PDLIM5: variants seen among roughly 807,000 people sequenced by gnomAD.
The protein encoded by PDLIM5 is PDZ and LIM domain protein 5.
In PDLIM5, 34 loss-of-function variants were observed where a neutral mutation model predicts 64.2. That is an observed-to-expected ratio of 0.53 (90% CI 0.40 to 0.71). The LOEUF (loss-of-function observed/expected upper bound fraction) is 0.71. Ranked by LOEUF, PDLIM5 falls within the 30% of genes least tolerant of loss-of-function variation. PDLIM5 has a pLI of 0.00. For missense variants in PDLIM5, 683 were observed against 733.6 expected (o/e 0.93, Z 0.80); for synonymous variants, 253 against 269.1 (o/e 0.94, Z 0.59).
At chr4:94,608,273 A>G (rs1024680929) in intron 7 of PDLIM5, 77 of 806,862 alleles carry the variant, frequency 9.5e-5, no homozygotes, top group Non-Finnish European at 9.4e-5. Context: ...ATTGTTGATT[A>G]CAGAACGGAC....
chr4:94,512,395 A>G (rs892479590), intron 2 of PDLIM5, among the ~76,000 whole-genome samples: 5 of 152,160 alleles, frequency 3.3e-5, no homozygotes, highest in African/African-American at 1.2e-4. Flanking sequence ...TCCCACCAAC[A>G]GTGTACAAGG....
chr4:94,513,624 A>G (rs1312522261), intron 2 of PDLIM5, among the ~76,000 whole-genome samples: 3 of 152,130 alleles, frequency 2.0e-5, no homozygotes, highest in Admixed American at 6.5e-5. Context: ...GCGTGTGTGT[A>G]TTCTTCAGGT....
chr4:94,606,261 G>A (rs1578459114), intron 7 of PDLIM5, among the ~76,000 whole-genome samples: 1 of 152,086 alleles, frequency 6.6e-6, no homozygotes, highest in African/African-American at 2.4e-5. Flanking sequence ...AACAAATAAC[G>A]ACACAAATTG....
At chr4:94,557,011 G>A (rs954329118) in intron 3 of PDLIM5, among the ~76,000 whole-genome samples, 1 of 151,998 alleles carries the variant, frequency 6.6e-6, no homozygotes, top group Non-Finnish European at 1.5e-5. Flanking sequence ...ATTGCCTAGG[G>A]TTTCTTCTAG....
chr4:94,508,833 G>T (rs1477611019), intron 2 of PDLIM5, among the ~76,000 whole-genome samples: 2 of 152,056 alleles, frequency 1.3e-5, no homozygotes, highest in Non-Finnish European at 2.9e-5. Flanking sequence ...ATGACTTTTG[G>T]CAGCCTTGCT....
At chr4:94,534,523 C>G (rs374787738) in intron 3 of PDLIM5, among the ~76,000 whole-genome samples, 2 of 151,962 alleles carry the variant, frequency 1.3e-5, no homozygotes. Context: ...TTATTGAGAT[C>G]GGGAGAGATA....
At chr4:94,497,679 G>A (rs953863675) in intron 2 of PDLIM5, among the ~76,000 whole-genome samples, 5 of 152,186 alleles carry the variant, frequency 3.3e-5, no homozygotes, top group Non-Finnish European at 7.4e-5. Context: ...AAAAGATTAT[G>A]TAGACAGAAT....
At chr4:94,456,897 C>T (rs1723420978) in intron 2 of PDLIM5, 1 of 1,067,522 alleles carries the variant, frequency 9.4e-7, no homozygotes, top group Non-Finnish European at 1.1e-6. Flanking sequence ...ATATTATTCC[C>T]ATTGTATATA....
In PDLIM5 at chr4:94,573,522, T is replaced by C; in HGVS notation, c.291+129T>C. 9.8e-6 allele frequency: 8 copies of C among 819,296 alleles called. No homozygotes were observed. The South Asian group carries it at 1.1e-4, about 11-fold the overall frequency. The allele number at this position is 819,296 out of a possible 1,614,324, so 50.8% of individuals were successfully genotyped here. On this transcript the variant is annotated intron_variant, in intron 4 of 12. Coordinates refer to ENST00000317968, the MANE Select transcript of PDLIM5 (RefSeq NM_006457.5). ...AGTCTCAGTACAATTTTCCTTGTAG[T>C]TCTTTTCCTTCAGAGATGAGTAGGG...
chr4:94,663,616 A>G (rs945961617), intron 12 of PDLIM5, among the ~76,000 whole-genome samples: 6 of 152,196 alleles, frequency 3.9e-5, no homozygotes, highest in Admixed American at 1.3e-4. Flanking sequence ...TCTCTACAAC[A>G]CAAAGCAAAA....
chr4:94,470,645 G>C (rs1409900089), intron 2 of PDLIM5, among the ~76,000 whole-genome samples: 2 of 152,168 alleles, frequency 1.3e-5, no homozygotes, highest in African/African-American at 4.8e-5. Flanking sequence ...CTTTCAGAGA[G>C]ATCACTTGAT....
intron 9 of PDLIM5, among the ~76,000 whole-genome samples, chr4:94,651,652 CTAG>C (rs1741853508): frequency 6.6e-6 from 1 of 152,160 alleles, no homozygotes; most frequent in Admixed American, 6.6e-5. Flanking sequence ...TTTAGGCCTT[CTAG>C]TAGTCTACCA....
At chr4:94,580,177 C>T (rs1417224613) in intron 5 of PDLIM5, among the ~76,000 whole-genome samples, 4 of 152,050 alleles carry the variant, frequency 2.6e-5, no homozygotes, top group South Asian at 4.1e-4. Context: ...CACTGGCTCA[C>T]GATTACTAGC....
intron 4 of PDLIM5, 79 bp downstream of exon 4, chr4:94,573,472 C>T (rs1228892534): frequency 1.9e-5 from 20 of 1,070,930 alleles, no homozygotes; most frequent in Non-Finnish European, 2.8e-5. Context: ...CTGTCTCAGA[C>T]CATACTGACA....
intron 7 of PDLIM5, chr4:94,608,320 C>T: frequency 2.3e-6 from 1 of 425,742 alleles, no homozygotes; most frequent in South Asian, 6.4e-5. Context: ...TGGCACTCAG[C>T]CTCAAAACAG....
At chr4:94,529,184 C>T (rs1463080704) in intron 3 of PDLIM5, among the ~76,000 whole-genome samples, 1 of 152,070 alleles carries the variant, frequency 6.6e-6, no homozygotes, top group Admixed American at 6.6e-5. Flanking sequence ...TCTAGAGCAG[C>T]GTTTTGGAGA....
chr4:94,649,021 G>T lies in PDLIM5; in HGVS notation c.1284-5439G>T, dbSNP rs140358952. 2.0e-4 allele frequency among the ~76,000 whole-genome samples: 30 copies of T among 151,728 alleles called. No homozygotes were observed. In the South Asian group the frequency reaches 6.2e-3, roughly 32 times the overall value. On this transcript the variant is annotated intron_variant, in intron 9 of 12. Coordinates refer to ENST00000317968, the MANE Select transcript of PDLIM5 (RefSeq NM_006457.5). Reference sequence around the variant, plus strand: ...GACAGAGTCTCACTCTGTTGCTGACGCTGGAGTGCAGTGGCGCAATCTTGG... The same window carrying T: ...GACAGAGTCTCACTCTGTTGCTGACTCTGGAGTGCAGTGGCGCAATCTTGG...
intron 5 of PDLIM5, chr4:94,577,152 T>A (rs566179921): frequency 1.6e-4 from 72 of 453,358 alleles, no homozygotes; most frequent in Non-Finnish European, 2.8e-4. Flanking sequence ...GACAAAAATG[T>A]ACCTTAAAAG....
intron 8 of PDLIM5, 22 bp downstream of exon 8, chr4:94,618,213 C>A (rs746348193): frequency 2.0e-6 from 3 of 1,521,390 alleles, no homozygotes; most frequent in Admixed American, 2.0e-5. Flanking sequence ...AAATCTCTTG[C>A]GTCTTGCTTT....
Sources: gnomAD v4.1 joint callset for allele counts (sites outside exome capture counted in the v4.1 genomes callset) on GRCh38, gnomAD v4.1.1 for gene constraint, MANE v1.5 for transcripts, NCBI Gene and HGNC (gene_info 2026-07-23, HGNC 2026-07-21) for gene names.